Variants in CCDC149 observed in about 807,000 individuals in gnomAD.
The protein encoded by CCDC149 is coiled-coil domain-containing protein 149.
Under a neutral mutation model 59.9 loss-of-function variants are expected in CCDC149, and 45 were observed. That is an observed-to-expected ratio of 0.75 (90% confidence interval 0.59 to 0.96). The LOEUF (loss-of-function observed/expected upper bound fraction) is 0.96, where lower values mean the gene tolerates loss of function less well. Ranked by LOEUF, CCDC149 falls within the 40% of genes least tolerant of loss-of-function variation. The pLI is 0.00. For missense variants in CCDC149, 584 were observed against 664.7 expected, an observed-to-expected ratio of 0.88 and a Z score of 1.33; for synonymous variants, 245 against 260.6, an observed-to-expected ratio of 0.94 and a Z score of 0.58.
At chr4:24,932,644 C>T (rs1362864961) in intron 1 of CCDC149, among the ~76,000 whole-genome samples, 1 of 152,092 alleles carries the variant, frequency 6.6e-6, no homozygotes, top group Non-Finnish European at 1.5e-5. Flanking sequence ...ATGTGGATTC[C>T]TGGTAAGCTG....
At chr4:24,968,203 G>A (rs188586213) in intron 1 of CCDC149, among the ~76,000 whole-genome samples, 21 of 152,308 alleles carry the variant, frequency 1.4e-4, no homozygotes, top group Admixed American at 1.1e-3. Flanking sequence ...GGCAGTGCAC[G>A]GGGTGCTTGA....
At position 24,808,562 on chromosome 4, in the gene CCDC149, C is replaced by A; in HGVS notation, c.1450G>T (p.Gly484Cys). The A allele has an allele frequency of 6.4e-7, 1 of 1,551,568 alleles. No homozygotes were observed. The highest frequency in any genetic ancestry group is 8.7e-7 in the Non-Finnish European group (1 of 1,146,886). Residue 484 changes from glycine to cysteine, a missense_variant, in exon 13 of 13, where the codon GGT becomes TGT. Coordinates refer to ENST00000635206, the MANE Select transcript of CCDC149 (RefSeq NM_001330643.2). ...GCTGGCCCCGTCTCACTCCTCTGAC[C>A]TTCTATGGGACTCTCTCTTCTGACC...
intron 9 of CCDC149, among the ~76,000 whole-genome samples, chr4:24,825,766 C>G (rs1715693161): frequency 6.6e-6 from 1 of 150,774 alleles, no homozygotes; most frequent in African/African-American, 2.4e-5. Context: ...GAGCAAGACT[C>G]CGTCTCAAAA....
At chr4:24,922,575 A>G (rs1722327790) in intron 1 of CCDC149, among the ~76,000 whole-genome samples, 2 of 152,212 alleles carry the variant, frequency 1.3e-5, no homozygotes, top group Admixed American at 1.3e-4. Context: ...ATGTTCATAC[A>G]ATCAGTGGCT....
chr4:24,898,280 G>A (rs11930891), intron 1 of CCDC149, among the ~76,000 whole-genome samples: 2,734 of 152,170 alleles, frequency 0.018, 81 homozygotes, highest in African/African-American at 0.062. Flanking sequence ...CATCTTAACC[G>A]AGAGACACAG....
chr4:24,898,650 T>C (rs780363446), intron 1 of CCDC149, among the ~76,000 whole-genome samples: 8 of 152,158 alleles, frequency 5.3e-5, no homozygotes, highest in Non-Finnish European at 7.3e-5. Context: ...GTGCTAGACA[T>C]TGGTGACCAC....
In CCDC149 at chr4:24,808,712, G is replaced by C; in HGVS notation, c.1300C>G (p.Arg434Gly). The C allele has an allele frequency of 5.2e-6, 8 of 1,552,270 alleles. No individual in the cohort carries two copies. Among genetic ancestry groups the C allele is most frequent in the Non-Finnish European group, 7.0e-6 (8 of 1,147,124 alleles). The change falls in exon 13 of 13, where the codon CGC becomes GGC. Residue 434 changes from arginine (R) to glycine (G), a missense_variant. Coordinates refer to ENST00000635206, the MANE Select transcript of CCDC149 (RefSeq NM_001330643.2). ...TGAAAGAGCTTGCATTGGTTCCCGC[G>C]GCTCTGATTTGCTGGGGAGTTGACA...
chr4:24,965,134 T>A (rs180802750), intron 1 of CCDC149, among the ~76,000 whole-genome samples: 1 of 151,328 alleles, frequency 6.6e-6, no homozygotes, highest in East Asian at 1.9e-4. Context: ...TTGGAATGGA[T>A]AAAATTGGGG....
At chr4:24,960,007 G>A (rs568675270) in intron 1 of CCDC149, among the ~76,000 whole-genome samples, 196 of 152,176 alleles carry the variant, frequency 1.3e-3, no homozygotes, top group African/African-American at 4.6e-3. Flanking sequence ...AGGTAAATAT[G>A]TTATTTTCCT....
intron 12 of CCDC149, 124 bp from the exon 13 acceptor site, chr4:24,808,943 T>C (rs1714410205): frequency 1.1e-6 from 1 of 910,436 alleles, no homozygotes; most frequent in African/African-American, 1.7e-5. Flanking sequence ...AAGACTTTTT[T>C]GGCTCCCTGT....
chr4:24,948,527 C>T, intron 1 of CCDC149, among the ~76,000 whole-genome samples: 1 of 152,180 alleles, frequency 6.6e-6, no homozygotes, highest in East Asian at 1.9e-4. Flanking sequence ...TGCCGGCCAG[C>T]TTCCACTCAG....
In CCDC149 at chr4:24,853,097, A is replaced by T; in HGVS notation, c.347T>A (p.Leu116His). 6.2e-7 allele frequency: 1 copy of T among 1,613,386 alleles called. No individual in the cohort carries two copies. Among genetic ancestry groups the T allele is most frequent in the Non-Finnish European group, 8.5e-7 (1 of 1,179,304 alleles). Residue 116 changes from leucine to histidine, a missense_variant, in exon 4 of 13, where the codon CTT (leucine) becomes CAT (histidine). Transcript: ENST00000635206. ...CTTGTTGTCGCCCTGGACTTCTCCA[A>T]GCCTTTGCTGAAGTTCTTTAATTTC...
chr4:24,883,216 TTA>T (rs1330918701), intron 1 of CCDC149, among the ~76,000 whole-genome samples: 4 of 144,646 alleles, frequency 2.8e-5, no homozygotes, highest in Non-Finnish European at 4.6e-5. Flanking sequence ...TTTTTTTTTT[TTA>T]AAGGTACAGA....
Position 24,838,138 on chromosome 4 carries a change from A to G in CCDC149, c.489+18T>C. The G allele has an allele frequency of 6.4e-7, 1 of 1,569,982 alleles. No individual in the cohort carries two copies. The highest frequency in any genetic ancestry group is 8.8e-7 in the Non-Finnish European group (1 of 1,139,500). ...TGTGCAAATGCATCCCCCACTCTGA[A>G]TAGATGTTAGTGAGAACCTGTTCCT... On this transcript the variant is annotated intron_variant, in intron 5 of 12. Transcript: ENST00000635206.
intron 9 of CCDC149, chr4:24,829,690 T>C (rs933132693): frequency 2.0e-5 from 3 of 152,182 alleles, no homozygotes; most frequent in Non-Finnish European, 4.4e-5. Flanking sequence ...TTCTTTCCTG[T>C]GCATGGACTC....
intron 1 of CCDC149, among the ~76,000 whole-genome samples, chr4:24,954,126 A>G (rs1384177891): frequency 6.6e-6 from 1 of 152,156 alleles, no homozygotes; most frequent in Non-Finnish European, 1.5e-5. Flanking sequence ...ATGGCTGAAA[A>G]CTTCCCAAAT....
intron 12 of CCDC149, among the ~76,000 whole-genome samples, chr4:24,818,474 T>C (rs1475057039): frequency 2.6e-5 from 4 of 152,242 alleles, no homozygotes; most frequent in South Asian, 2.1e-4. Flanking sequence ...TGTTTATCTA[T>C]TGCTGTGTAA....
chr4:24,966,002 A>G (rs993026396), intron 1 of CCDC149, among the ~76,000 whole-genome samples: 1 of 152,204 alleles, frequency 6.6e-6, no homozygotes, highest in African/African-American at 2.4e-5. Context: ...TTACAGCCAG[A>G]GAGAGAGTAA....
chr4:24,898,205 G>T (rs767933089), intron 1 of CCDC149, among the ~76,000 whole-genome samples: 4 of 152,206 alleles, frequency 2.6e-5, no homozygotes, highest in African/African-American at 7.2e-5. Flanking sequence ...TAGGAGCATC[G>T]CCTCACCTGG....
Sources: gnomAD v4.1 joint callset for allele counts (sites outside exome capture counted in the v4.1 genomes callset) on GRCh38, gnomAD v4.1.1 for gene constraint, MANE v1.5 for transcripts, NCBI Gene and HGNC (gene_info 2026-07-23, HGNC 2026-07-21) for gene names.